ATRNL1: variants seen among roughly 807,000 people sequenced by gnomAD.
ATRNL1 encodes the protein attractin like 1, also known as attractin-like protein 1.
ATRNL1 carries 95 observed loss-of-function variants against 182.7 expected under a neutral mutation model. The observed-to-expected ratio is 0.52, with a 90% confidence interval of 0.44 to 0.62. The LOEUF (loss-of-function observed/expected upper bound fraction) is 0.62, where lower values mean the gene tolerates loss of function less well. ATRNL1 is among the 20% of genes least tolerant of loss of function. The pLI is 0.00. For synonymous variants in ATRNL1, 576 were observed against 568.3 expected, an observed-to-expected ratio of 1.01 and a Z score of -0.19; for missense variants, 1,471 against 1,679.5, an observed-to-expected ratio of 0.88 and a Z score of 2.17.
intron 25 of ATRNL1, among the ~76,000 whole-genome samples, chr10:115,527,110 G>GAGGC (rs1317127405): frequency 1.5e-5 from 2 of 136,108 alleles, no homozygotes; most frequent in Non-Finnish European, 3.2e-5. Flanking sequence ...AGGGATCAGA[G>GAGGC]AGGCACTTTT....
intron 13 of ATRNL1, among the ~76,000 whole-genome samples, chr10:115,275,123 G>A (rs956494381): frequency 6.6e-6 from 1 of 152,004 alleles, no homozygotes; most frequent in Non-Finnish European, 1.5e-5. Context: ...TTGGCTTTTC[G>A]CTCCGTAATT....
chr10:115,371,325 T>A (rs1392497598), intron 19 of ATRNL1, among the ~76,000 whole-genome samples: 1 of 143,296 alleles, frequency 7.0e-6, no homozygotes, highest in East Asian at 2.0e-4. Context: ...GAATGGTAGA[T>A]TCACCAACAG....
intron 24 of ATRNL1, among the ~76,000 whole-genome samples, chr10:115,475,674 A>G (rs1466719735): frequency 1.3e-5 from 2 of 151,454 alleles, no homozygotes; most frequent in Admixed American, 6.6e-5. Context: ...TATGTGAGAT[A>G]GTTATGTGAA....
chr10:115,372,319 T>C (rs1263311403), intron 19 of ATRNL1, among the ~76,000 whole-genome samples: 1 of 152,208 alleles, frequency 6.6e-6, no homozygotes, highest in Non-Finnish European at 1.5e-5. Flanking sequence ...CCTAAGCGTA[T>C]CTTCACTGTG....
intron 20 of ATRNL1, among the ~76,000 whole-genome samples, chr10:115,406,672 T>G (rs539246700): frequency 8.8e-4 from 134 of 152,258 alleles, no homozygotes; most frequent in Non-Finnish European, 2.2e-4. Context: ...AATTTTCTCT[T>G]TTTATGATGT....
At chr10:115,100,867 A>G (rs1378144912) in intron 1 of ATRNL1, among the ~76,000 whole-genome samples, 5 of 152,288 alleles carry the variant, frequency 3.3e-5, no homozygotes, top group Admixed American at 6.5e-5. Flanking sequence ...CCTACATGGT[A>G]TATCTGTTTA....
At chr10:115,875,104 T>G (rs1218712180) in intron 28 of ATRNL1, among the ~76,000 whole-genome samples, 16 of 152,210 alleles carry the variant, frequency 1.1e-4, no homozygotes, top group Admixed American at 9.8e-4. Flanking sequence ...TTGATAGGAC[T>G]TGGTGACAAA....
chr10:115,361,676 A>G (rs1204141505), intron 19 of ATRNL1, among the ~76,000 whole-genome samples: 2 of 152,114 alleles, frequency 1.3e-5, no homozygotes, highest in Admixed American at 6.6e-5. Context: ...TTTGGACCCC[A>G]TATCATAGTT....
intron 27 of ATRNL1, among the ~76,000 whole-genome samples, chr10:115,761,192 A>G (rs1469866818): frequency 2.0e-5 from 3 of 152,224 alleles, no homozygotes; most frequent in African/African-American, 7.2e-5. Context: ...CTTTTGTTCT[A>G]TTATAATAAT....
intron 13 of ATRNL1, 120 bp downstream of exon 13, chr10:115,268,564 G>C: frequency 1.5e-6 from 1 of 647,602 alleles, no homozygotes; most frequent in South Asian, 2.3e-5. Flanking sequence ...CATTTAGAAA[G>C]TATATAGGGA....
At chr10:115,164,747 C>T (rs1161106464) in intron 6 of ATRNL1, among the ~76,000 whole-genome samples, 1 of 152,062 alleles carries the variant, frequency 6.6e-6, no homozygotes, top group Non-Finnish European at 1.5e-5. Context: ...TGCATGTCTT[C>T]ACTCAAATGT....
Position 115,818,185 on chromosome 10 carries a change from G to GTT in ATRNL1, c.3904-29677_3904-29676dup, listed in dbSNP as rs3027964. On this transcript the variant is annotated intron_variant, in intron 27 of 28. Transcript: ENST00000355044. ...TAAAGTCCAGGGTTTATTTGATTCC[G>GTT]TTTTTTTTTTTTTTTTGGACAGTCA... is the stretch of plus-strand genomic sequence containing the variant. Among the ~76,000 whole-genome samples the GTT allele has an allele frequency of 1.6e-4, 21 of 130,684 alleles. No individual in the cohort carries two copies. The East Asian group carries it at 2.7e-3, about 17-fold the overall frequency. The allele number at this position is 130,684 out of a possible 152,430, so 85.7% of individuals were successfully genotyped here.
At chr10:115,261,289 A>G (rs1351469094) in intron 10 of ATRNL1, among the ~76,000 whole-genome samples, 1 of 152,206 alleles carries the variant, frequency 6.6e-6, no homozygotes, top group Non-Finnish European at 1.5e-5. Flanking sequence ...AGAATTGCAG[A>G]TTCTCAAAAA....
At chr10:115,736,420 T>A (rs973162078) in intron 27 of ATRNL1, among the ~76,000 whole-genome samples, 2 of 152,144 alleles carry the variant, frequency 1.3e-5, no homozygotes, top group Non-Finnish European at 2.9e-5. Context: ...ATCTGACAGT[T>A]TTTGAAAGTC....
chr10:115,268,478 C>G lies in ATRNL1; in HGVS notation c.2100+34C>G, dbSNP rs782251341. ...TTATGGGTAAATGGTGCTGTAGTTA[C>G]AACAGACTGCTGCTTTATGATCATT... On this transcript the variant is annotated intron_variant, in intron 13 of 28. Coordinates refer to ENST00000355044, the MANE Select transcript of ATRNL1 (RefSeq NM_207303.4). 1.5e-5 allele frequency: 20 copies of G among 1,354,542 alleles called. No individual in the cohort carries two copies. In the Admixed American group the frequency reaches 2.4e-4, roughly 16 times the overall value. 83.9% of individuals were successfully genotyped at this position (1,354,542 alleles called of 1,614,324 possible).
At chr10:115,524,948 G>A (rs1405303448) in intron 25 of ATRNL1, among the ~76,000 whole-genome samples, 1 of 152,076 alleles carries the variant, frequency 6.6e-6, no homozygotes, top group Admixed American at 6.5e-5. Flanking sequence ...CTCCTGTACT[G>A]TATATATATC....
intron 27 of ATRNL1, among the ~76,000 whole-genome samples, chr10:115,817,849 T>C (rs2134273746): frequency 6.6e-6 from 1 of 150,580 alleles, no homozygotes; most frequent in Non-Finnish European, 1.5e-5. Flanking sequence ...ATACAAAATT[T>C]TAGCATATGG....
chr10:115,222,662 G>A (rs957003650), intron 9 of ATRNL1, among the ~76,000 whole-genome samples: 6 of 152,066 alleles, frequency 3.9e-5, no homozygotes, highest in African/African-American at 1.4e-4. Flanking sequence ...ATAGCTTAAA[G>A]ACAATAATCA....
intron 21 of ATRNL1, among the ~76,000 whole-genome samples, chr10:115,455,263 T>G (rs546263480): frequency 1.6e-4 from 24 of 152,192 alleles, no homozygotes; most frequent in African/African-American, 5.3e-4. Context: ...GGTGTGGTCC[T>G]TTTAATGTGT....
Sources: allele counts gnomAD v4.1 joint callset (sites outside exome capture counted in the v4.1 genomes callset), GRCh38; gene constraint gnomAD v4.1.1; transcripts MANE v1.5; gene names NCBI Gene and HGNC (gene_info 2026-07-23, HGNC 2026-07-21).